Variants in GPHN observed in about 807,000 individuals in gnomAD.
GPHN encodes the protein gephyrin.
Under a neutral mutation model 95.5 loss-of-function variants are expected in GPHN, and 17 were observed. The ratio of observed to expected loss-of-function variants is 0.18; its 90% CI spans 0.12 to 0.27. GPHN has a LOEUF of 0.27. Among genes scored for constraint, GPHN ranks in the 10% least tolerant of loss-of-function variants. The pLI is 1.00. For synonymous variants in GPHN, 320 were observed against 322.5 expected (o/e 0.99, Z 0.08); for missense variants, 660 against 978.1 (o/e 0.67, Z 4.34).
the GPHN span, among the ~76,000 whole-genome samples, chr14:67,710,536 A>T: frequency 3.3e-5 from 5 of 152,148 alleles, no homozygotes; most frequent in African/African-American, 7.2e-5. Context: ...TCTAGGACTA[A>T]ATTTACCACA....
At chr14:66,678,685 G>C (rs2066759287) in intron 1 of GPHN, among the ~76,000 whole-genome samples, 1 of 151,850 alleles carries the variant, frequency 6.6e-6, no homozygotes, top group Non-Finnish European at 1.5e-5. Context: ...CTGTGTATAT[G>C]GTTAGCAATT....
chr14:67,598,273 G>A, the GPHN span, among the ~76,000 whole-genome samples: 7 of 152,220 alleles, frequency 4.6e-5, no homozygotes, highest in East Asian at 1.9e-4. Flanking sequence ...CTGATTCCTC[G>A]GGTACTTGAT....
At chr14:67,729,257 C>A in the GPHN span, 1 of 1,608,970 alleles carries the variant, frequency 6.2e-7, no homozygotes, top group Non-Finnish European at 8.5e-7. Context: ...CGGCACTCCT[C>A]CCTGCTCTGC....
intron 1 of GPHN, among the ~76,000 whole-genome samples, chr14:66,563,065 T>C (rs930611513): frequency 2.6e-5 from 4 of 152,144 alleles, no homozygotes; most frequent in Non-Finnish European, 5.9e-5. Flanking sequence ...CTACAAACTA[T>C]GCATTTAAAA....
At chr14:66,747,288 T>C (rs2058189603) in intron 2 of GPHN, among the ~76,000 whole-genome samples, 1 of 152,158 alleles carries the variant, frequency 6.6e-6, no homozygotes. Flanking sequence ...AATGGTATTG[T>C]TGATACAATT....
At chr14:66,872,677 C>T (rs1166557888) in intron 4 of GPHN, among the ~76,000 whole-genome samples, 2 of 151,808 alleles carry the variant, frequency 1.3e-5, no homozygotes, top group Non-Finnish European at 1.5e-5. Context: ...GGCAGATCAC[C>T]CTGAGGTCAG....
intron 2 of GPHN, among the ~76,000 whole-genome samples, chr14:66,730,845 T>G (rs1038110516): frequency 1.3e-5 from 2 of 152,228 alleles, no homozygotes; most frequent in Admixed American, 1.3e-4. Context: ...GACACTGATA[T>G]GGTTTGGCTC....
At chr14:67,690,655 T>C in the GPHN span, 1 of 506,536 alleles carries the variant, frequency 2.0e-6, no homozygotes, top group Non-Finnish European at 3.6e-6. Context: ...GAATATGAAG[T>C]CCCAGCTCAT....
chr14:66,972,177 A>G (rs2069838200), intron 9 of GPHN, among the ~76,000 whole-genome samples: 1 of 151,024 alleles, frequency 6.6e-6, no homozygotes, highest in Non-Finnish European at 1.5e-5. Context: ...CTGAGGCAGG[A>G]GAATCACTTG....
the GPHN span, chr14:67,690,190 C>T: frequency 6.2e-7 from 1 of 1,604,174 alleles, no homozygotes; most frequent in Non-Finnish European, 8.5e-7. Context: ...CATGTCTCCA[C>T]ATTCATTTCC....
chr14:67,180,190 T>C (rs1433472056), intron 22 of GPHN, among the ~76,000 whole-genome samples: 1 of 152,200 alleles, frequency 6.6e-6, no homozygotes, highest in Non-Finnish European at 1.5e-5. Flanking sequence ...ACTTCCCTAC[T>C]CATATTTTGC....
the GPHN span, chr14:67,272,089 T>C: frequency 1.3e-5 from 2 of 152,034 alleles, no homozygotes; most frequent in Admixed American, 6.6e-5. Flanking sequence ...AAGGATCCTG[T>C]CTTAATAACC....
chr14:67,049,065 G>A (rs935205072), intron 10 of GPHN, among the ~76,000 whole-genome samples: 1 of 152,072 alleles, frequency 6.6e-6, no homozygotes, highest in African/African-American at 2.4e-5. Context: ...CCGGCTGCTA[G>A]GTGATAACTC....
intron 1 of GPHN, among the ~76,000 whole-genome samples, chr14:66,665,127 A>C (rs7158823): frequency 2.6e-5 from 4 of 151,904 alleles, no homozygotes; most frequent in Admixed American, 2.0e-4. Context: ...TCCCTAACTC[A>C]TTCTATGAGG....
intron 6 of GPHN, among the ~76,000 whole-genome samples, chr14:66,916,543 A>G (rs1048683994): frequency 8.9e-5 from 4 of 44,750 alleles, no homozygotes; most frequent in Non-Finnish European, 1.8e-4. Context: ...GCAGTTCATT[A>G]TATTTTGCCC....
At chr14:67,532,928 C>T in the GPHN span, among the ~76,000 whole-genome samples, 3 of 151,954 alleles carry the variant, frequency 2.0e-5, no homozygotes, top group Admixed American at 2.0e-4. Context: ...CCGGGGCGCT[C>T]TGGCCACCCC....
intron 2 of GPHN, among the ~76,000 whole-genome samples, chr14:66,729,974 C>A (rs1409261749): frequency 6.6e-6 from 1 of 152,208 alleles, no homozygotes; most frequent in Non-Finnish European, 1.5e-5. Flanking sequence ...CCAGGACTTT[C>A]ATTTATCAAT....
At chr14:66,971,738 T>C (rs923429803) in intron 9 of GPHN, among the ~76,000 whole-genome samples, 2 of 152,152 alleles carry the variant, frequency 1.3e-5, no homozygotes, top group Admixed American at 1.3e-4. Context: ...TAAAATCCAT[T>C]GGTCTGTCTT....
the GPHN span, chr14:67,380,793 A>G: frequency 7.6e-7 from 1 of 1,322,774 alleles, no homozygotes; most frequent in Non-Finnish European, 1.0e-6. Context: ...TGATTTTTAC[A>G]GTATTTTGCA....
Sources: allele counts gnomAD v4.1 joint callset (sites outside exome capture counted in the v4.1 genomes callset), GRCh38; gene constraint gnomAD v4.1.1; transcripts MANE v1.5; gene names NCBI Gene and HGNC (gene_info 2026-07-23, HGNC 2026-07-21).